NR3C2: variants seen among roughly 807,000 people sequenced by gnomAD.
NR3C2 encodes nuclear receptor subfamily 3 group C member 2, also known as mineralocorticoid receptor.
NR3C2 carries 15 observed loss-of-function variants against 86.4 expected under a neutral mutation model. The observed-to-expected ratio is 0.17, with a 90% CI of 0.12 to 0.27. The LOEUF is 0.27. Among genes scored for constraint, NR3C2 ranks in the 10% least tolerant of loss-of-function variants. The probability of loss-of-function intolerance (pLI) is 1.00; values close to 1 mark genes in which losing one functional copy is unlikely to be tolerated. For missense variants in NR3C2, 960 were observed against 1,195.6 expected, an observed-to-expected ratio of 0.80 and a Z score of 2.91; for synonymous variants, 458 against 450.5, an observed-to-expected ratio of 1.02 and a Z score of -0.21.
intron 8 of NR3C2, 70 bp from the exon 9 acceptor site, chr4:148,081,569 C>A: frequency 1.2e-6 from 2 of 1,605,398 alleles, no homozygotes. Flanking sequence ...TGCCTTCTGA[C>A]TTTGGTGGGA....
Position 148,080,863 on chromosome 4 carries a change from A to ATATT in NR3C2, c.*477_*480dup. 1 of 324,922 alleles carries ATATT rather than the reference A, an allele frequency of 3.1e-6. No individual in the cohort carries two copies. Among genetic ancestry groups the ATATT allele is most frequent in the Non-Finnish European group, 6.3e-6 (1 of 157,834 alleles). The allele number at this position is 324,922 out of a possible 1,614,324, so 20.1% of individuals were successfully genotyped here. A position where few individuals can be genotyped will look rare whatever the true frequency, so the allele number is the denominator to read the frequency against. On this transcript the variant is annotated 3_prime_UTR_variant, in exon 9 of 9. Transcript: ENST00000358102. ...GTTATTACACAACAGGAATCTGTATATATTTTTTTATTATTTTTTTGTGTT... is the reference window on the plus strand; with the variant it reads ...GTTATTACACAACAGGAATCTGTATATATTTATTTTTTTATTATTTTTTTGTGTT...
chr4:148,168,905 G>A (rs551372906), intron 4 of NR3C2, among the ~76,000 whole-genome samples: 14 of 152,078 alleles, frequency 9.2e-5, no homozygotes, highest in African/African-American at 2.4e-4. Context: ...TAGTAATCAC[G>A]TACCAAAAAT....
At chr4:148,153,115 A>G (rs963801778) in intron 5 of NR3C2, among the ~76,000 whole-genome samples, 1 of 152,194 alleles carries the variant, frequency 6.6e-6, no homozygotes, top group African/African-American at 2.4e-5. Flanking sequence ...ATAAAGTTCT[A>G]TGGTAGAACA....
chr4:148,342,739 G>A (rs1337777319), intron 2 of NR3C2, among the ~76,000 whole-genome samples: 1 of 152,052 alleles, frequency 6.6e-6, no homozygotes, highest in Non-Finnish European at 1.5e-5. Context: ...TTAAAGAACT[G>A]TGAAAATTTT....
In NR3C2 at chr4:148,435,765, C is replaced by G; in HGVS notation, c.1096G>C (p.Glu366Gln). 6.2e-7 allele frequency: 1 copy of G among 1,614,156 alleles called. No homozygotes were observed. Among genetic ancestry groups the G allele is most frequent in the Non-Finnish European group, 8.5e-7 (1 of 1,180,026 alleles). The change falls in exon 2 of 9, where the codon GAG becomes CAG. Residue 366 changes from glutamate (E) to glutamine (Q), a missense_variant. Physicochemically the swap from Glu to Gln is conservative, Grantham distance 29 (BLOSUM62 2). Coordinates refer to ENST00000358102, the MANE Select transcript of NR3C2 (RefSeq NM_000901.5). Reference sequence around the variant, plus strand: ...AAAGGGACCTCTTGAGCACCTTTCTCCTGCGTGTCTGGACTGGGAACCACA... The same window carrying G: ...AAAGGGACCTCTTGAGCACCTTTCTGCTGCGTGTCTGGACTGGGAACCACA... Reference protein sequence around the residue: ...RDVVPSPDTQEKGAQEVPFPK... With the variant: ...RDVVPSPDTQQKGAQEVPFPK...
chr4:148,097,588 C>T (rs755785264), intron 8 of NR3C2, among the ~76,000 whole-genome samples: 13 of 152,186 alleles, frequency 8.5e-5, no homozygotes, highest in Non-Finnish European at 1.9e-4. Flanking sequence ...GATCTCTTGA[C>T]ACTAGAATCA....
In NR3C2 at chr4:148,436,585, C is replaced by T. The variant is rs1417561045; in HGVS notation, c.276G>A (p.Leu92=). The change falls in exon 2 of 9, where the codon CTG becomes CTA. Residue 92 remains leucine (L), a synonymous_variant. Coordinates refer to ENST00000358102, the MANE Select transcript of NR3C2 (RefSeq NM_000901.5). ...GILTSDIKTE[L]ESKELSATVA... is the part of the protein sequence containing the mutation. ...CAGTTGCTGAAAGTTCCTTAGATTC[C>T]AGCTCAGTTTTAATATCAGATGTTA... 2 of 1,614,072 alleles carry T rather than the reference C, an allele frequency of 1.2e-6. No individual in the cohort carries two copies. Among genetic ancestry groups the T allele is most frequent in the African/African-American group, 1.3e-5 (1 of 74,912 alleles).
intron 8 of NR3C2, among the ~76,000 whole-genome samples, chr4:148,089,918 G>A (rs1487796004): frequency 1.3e-5 from 2 of 152,210 alleles, no homozygotes; most frequent in African/African-American, 2.4e-5. Flanking sequence ...CTGTGAGGGG[G>A]ACTTTTTCCT....
intron 2 of NR3C2, among the ~76,000 whole-genome samples, chr4:148,402,163 A>G (rs1479332499): frequency 6.6e-6 from 1 of 152,230 alleles, no homozygotes; most frequent in Non-Finnish European, 1.5e-5. Context: ...GTTATATTAC[A>G]GTAACAAGCC....
intron 4 of NR3C2, among the ~76,000 whole-genome samples, chr4:148,193,948 GT>G (rs547180986): frequency 5.3e-5 from 8 of 152,150 alleles, no homozygotes; most frequent in Middle Eastern, 3.2e-3. Flanking sequence ...TTAAAAGCCA[GT>G]TTTATTGTGT....
At chr4:148,081,686 C>A (rs539222275) in intron 8 of NR3C2, among the ~76,000 whole-genome samples, 187 bp from the exon 9 acceptor site, 1 of 152,276 alleles carries the variant, frequency 6.6e-6, no homozygotes, top group East Asian at 1.9e-4. Flanking sequence ...TCACCCATGT[C>A]ATCTGCCTTT....
At chr4:148,138,544 T>C (rs930323970) in intron 6 of NR3C2, among the ~76,000 whole-genome samples, 5 of 152,108 alleles carry the variant, frequency 3.3e-5, no homozygotes, top group African/African-American at 1.2e-4. Context: ...CCACCACACC[T>C]GGCTAATTTT....
chr4:148,390,304 C>A (rs2126487766), intron 2 of NR3C2, among the ~76,000 whole-genome samples: 1 of 151,746 alleles, frequency 6.6e-6, no homozygotes, highest in Middle Eastern at 3.4e-3. Context: ...GAGATGAATG[C>A]ATGAATGTTT....
chr4:148,084,509 G>A (rs527571861), intron 8 of NR3C2, among the ~76,000 whole-genome samples: 37 of 152,336 alleles, frequency 2.4e-4, no homozygotes, highest in African/African-American at 8.2e-4. Flanking sequence ...AAGAGCTCCT[G>A]AAGGAAGCGC....
At chr4:148,124,499 A>G (rs945875688) in intron 6 of NR3C2, among the ~76,000 whole-genome samples, 3 of 152,062 alleles carry the variant, frequency 2.0e-5, no homozygotes, top group Admixed American at 6.6e-5. Context: ...TCTCTTTGGT[A>G]GCTTTAAAAT....
intron 4 of NR3C2, among the ~76,000 whole-genome samples, chr4:148,186,827 T>C (rs1321594913): frequency 6.6e-6 from 1 of 150,748 alleles, no homozygotes; most frequent in African/African-American, 2.4e-5. Context: ...TGCGTCCTCA[T>C]AGCTTAGCTC....
intron 4 of NR3C2, among the ~76,000 whole-genome samples, chr4:148,161,976 T>C (rs1734682930): frequency 6.6e-6 from 1 of 152,174 alleles, no homozygotes; most frequent in South Asian, 2.1e-4. Context: ...CTGTCCCCTC[T>C]GTGGTAATTT....
chr4:148,114,304 A>AC, intron 7 of NR3C2, 43 bp from the exon 8 acceptor site: 2 of 1,608,092 alleles, frequency 1.2e-6, no homozygotes, highest in Non-Finnish European at 1.7e-6. Context: ...AGGATGGAAA[A>AC]CAACTTTAGC....
intron 2 of NR3C2, among the ~76,000 whole-genome samples, chr4:148,384,731 G>A (rs1747178458): frequency 6.6e-6 from 1 of 151,868 alleles, no homozygotes; most frequent in African/African-American, 2.4e-5. Flanking sequence ...CAATATAAAT[G>A]GAAAAAAGTG....
Sources: gnomAD v4.1 joint callset for allele counts (sites outside exome capture counted in the v4.1 genomes callset) on GRCh38, gnomAD v4.1.1 for gene constraint, MANE v1.5 for transcripts, NCBI Gene and HGNC (gene_info 2026-07-23, HGNC 2026-07-21) for gene names.